Variants in DNAJC6 observed in about 807,000 individuals in gnomAD.
DNAJC6 encodes the protein auxilin.
A neutral mutation model predicts 110.0 loss-of-function variants in DNAJC6; 34 were observed. The ratio of observed to expected loss-of-function variants is 0.31; its 90% CI spans 0.24 to 0.41. The LOEUF (loss-of-function observed/expected upper bound fraction) is 0.41, where lower values mean the gene tolerates loss of function less well. Ranked by LOEUF, DNAJC6 falls within the 10% of genes least tolerant of loss-of-function variation. The probability of loss-of-function intolerance (pLI) is 1.00; values close to 1 mark genes in which losing one functional copy is unlikely to be tolerated. For missense variants in DNAJC6, 1,031 were observed against 1,207.8 expected (o/e 0.85, Z 2.17); for synonymous variants, 406 against 437.2 (o/e 0.93, Z 0.89).
In DNAJC6 at chr1:65,384,205, G is replaced by A. The variant is rs1360674258; in HGVS notation, c.679G>A (p.Ala227Thr). Residue 227 changes from alanine (A) to threonine (T), a missense_variant, in exon 6 of 19, where the codon GCA becomes ACA. Physicochemically the swap from Ala to Thr is moderately conservative, Grantham distance 58. Coordinates refer to ENST00000371069, the MANE Select transcript of DNAJC6 (RefSeq NM_001256864.2). ...TTTTCTTTGACAGGATGGACGGGCG[G>A]CATCATCAATTCTGGTTGGTGCTAT... The part of the protein sequence containing the change: ...CVVHCLDGRA[A>T]SSILVGAMFI... 1.3e-6 allele frequency: 2 copies of A among 1,523,590 alleles called. No individual in the cohort carries two copies. The highest frequency in any genetic ancestry group is 1.3e-5 in the South Asian group (1 of 75,886). The allele number at this position is 1,523,590 out of a possible 1,614,324, so 94.4% of individuals were successfully genotyped here. A position where few individuals can be genotyped will look rare whatever the true frequency, so the allele number is the denominator to read the frequency against.
intron 1 of DNAJC6, among the ~76,000 whole-genome samples, chr1:65,339,919 C>T (rs1440839246): frequency 2.0e-5 from 3 of 152,178 alleles, no homozygotes; most frequent in African/African-American, 4.8e-5. Flanking sequence ...TACTTCGACT[C>T]CTTGTCCAGT....
intron 13 of DNAJC6, 140 bp from the exon 14 acceptor site, chr1:65,398,673 T>C: frequency 1.3e-6 from 1 of 755,252 alleles, no homozygotes; most frequent in Admixed American, 2.4e-5. Flanking sequence ...TGGCAAGAAC[T>C]CAGAAGGAGG....
intron 1 of DNAJC6, among the ~76,000 whole-genome samples, chr1:65,312,939 A>G (rs954883612): frequency 1.3e-5 from 2 of 152,124 alleles, no homozygotes; most frequent in African/African-American, 4.8e-5. Context: ...AGCTGGGATT[A>G]CAGGCGTGCA....
chr1:65,405,970 T>TGGC lies in DNAJC6; in HGVS notation c.2331_2333dup (p.Gly778dup), dbSNP rs756114115. 2 of 1,614,156 alleles carry TGGC rather than the reference T, an allele frequency of 1.2e-6. No individual in the cohort carries two copies. Among genetic ancestry groups the TGGC allele is most frequent in the Non-Finnish European group, 1.7e-6 (2 of 1,180,010 alleles). ...AGAAGGCGTCTCCCCAGCCTATGGG[T>TGGC]GGCGGGTGGCAGCAGGGAGGTGCCT... On this transcript the variant is annotated inframe_insertion, in exon 16 of 19. Transcript: ENST00000371069.
intron 1 of DNAJC6, among the ~76,000 whole-genome samples, chr1:65,281,091 T>C (rs1446473898): frequency 2.0e-5 from 3 of 152,056 alleles, no homozygotes; most frequent in Non-Finnish European, 4.4e-5. Flanking sequence ...TTACACTGGC[T>C]AATTTTTGTA....
intron 1 of DNAJC6, among the ~76,000 whole-genome samples, chr1:65,286,352 T>C (rs1261651487): frequency 6.6e-6 from 1 of 152,074 alleles, no homozygotes; most frequent in Non-Finnish European, 1.5e-5. Flanking sequence ...GCACAATCCA[T>C]CCTCCCACCT....
intron 1 of DNAJC6, among the ~76,000 whole-genome samples, chr1:65,343,822 G>A (rs1472330475): frequency 6.6e-6 from 1 of 152,100 alleles, no homozygotes; most frequent in Non-Finnish European, 1.5e-5. Context: ...AAATTGTGAA[G>A]AAGGAAAAAG....
At chr1:65,385,650 T>C in intron 6 of DNAJC6, 62 bp from the exon 7 acceptor site, 1 of 1,354,100 alleles carries the variant, frequency 7.4e-7, no homozygotes, top group Non-Finnish European at 9.8e-7. Flanking sequence ...TCATAGCAAA[T>C]ATTGATTGCT....
chr1:65,278,826 G>A (rs1034776831), intron 1 of DNAJC6, among the ~76,000 whole-genome samples: 1 of 152,096 alleles, frequency 6.6e-6, no homozygotes, highest in Non-Finnish European at 1.5e-5. Flanking sequence ...CTGACTCCTA[G>A]TTCATCTGAC....
intron 1 of DNAJC6, among the ~76,000 whole-genome samples, chr1:65,325,270 C>T (rs778425365): frequency 1.3e-5 from 2 of 152,172 alleles, no homozygotes; most frequent in Non-Finnish European, 2.9e-5. Flanking sequence ...AGGCCAAGTA[C>T]TGTGCTGTGT....
intron 9 of DNAJC6, among the ~76,000 whole-genome samples, chr1:65,388,887 A>G (rs1424815035): frequency 6.6e-6 from 1 of 152,172 alleles, no homozygotes; most frequent in East Asian, 1.9e-4. Context: ...GGGGGTGGCT[A>G]GAGCCGGGAT....
intron 17 of DNAJC6, among the ~76,000 whole-genome samples, chr1:65,409,065 T>C (rs1174010166): frequency 6.6e-6 from 1 of 152,114 alleles, no homozygotes; most frequent in Non-Finnish European, 1.5e-5. Flanking sequence ...TGTGTCCTCA[T>C]AGGCAGAAGA....
At chr1:65,346,937 C>G (rs962435753) in intron 1 of DNAJC6, among the ~76,000 whole-genome samples, 6 of 152,142 alleles carry the variant, frequency 3.9e-5, no homozygotes, top group African/African-American at 1.4e-4. Context: ...GCCACACACA[C>G]ACAGACATAC....
At chr1:65,390,516 C>T (rs1423159158) in intron 11 of DNAJC6, among the ~76,000 whole-genome samples, 1 of 152,244 alleles carries the variant, frequency 6.6e-6, no homozygotes, top group African/African-American at 2.4e-5. Flanking sequence ...CCAGCAGTAG[C>T]CTGACGTTGG....
At position 65,336,524 on chromosome 1, in the gene DNAJC6, C is replaced by T. The variant is rs1036748712; in HGVS notation, c.193+26586C>T. On this transcript the variant is annotated intron_variant, in intron 1 of 18. Transcript: ENST00000371069. ...GGAAACACAGGTAGAAACCAGAAAC[C>T]CATGTCCCCATTACTCAGCTTCGAC... Among the ~76,000 whole-genome samples the T allele has an allele frequency of 2.6e-5, 4 of 152,230 alleles. No homozygotes were observed. The East Asian group carries it at 7.7e-4, about 29-fold the overall frequency.
In DNAJC6 at chr1:65,343,209, C is replaced by T. The variant is rs74080550; in HGVS notation, c.194-21426C>T. Among the ~76,000 whole-genome samples, 933 of 152,270 alleles carry T rather than the reference C, an allele frequency of 6.1e-3. 9 individuals carry two copies. The highest frequency in any genetic ancestry group is 0.02 in the African/African-American group (844 of 41,552). ...TTCCTCTCCATTTCAGAGTCTTCCT[C>T]CTTCCTCCTGTGTAGTGGAGACGCA... On this transcript the variant is annotated intron_variant, in intron 1 of 18. Transcript: ENST00000371069.
intron 1 of DNAJC6, among the ~76,000 whole-genome samples, chr1:65,319,372 C>T (rs1407626325): frequency 6.6e-6 from 1 of 152,106 alleles, no homozygotes; most frequent in Non-Finnish European, 1.5e-5. Context: ...GAAGCAGGCC[C>T]TGTGTTTGCC....
intron 17 of DNAJC6, among the ~76,000 whole-genome samples, chr1:65,409,325 G>A (rs565104259): frequency 6.6e-6 from 1 of 152,314 alleles, no homozygotes; most frequent in African/African-American, 2.4e-5. Context: ...TTTGAGTACA[G>A]CTGTGCCCTT....
intron 18 of DNAJC6, among the ~76,000 whole-genome samples, chr1:65,412,610 A>G (rs1646138637): frequency 6.6e-6 from 1 of 152,180 alleles, no homozygotes; most frequent in African/African-American, 2.4e-5. Flanking sequence ...CAGTCAATAG[A>G]GATGGGCTGT....
Sources: gnomAD v4.1 joint callset for allele counts (sites outside exome capture counted in the v4.1 genomes callset) on GRCh38, gnomAD v4.1.1 for gene constraint, MANE v1.5 for transcripts, NCBI Gene and HGNC (gene_info 2026-07-23, HGNC 2026-07-21) for gene names.